Variants in KCNMA1 observed in about 807,000 individuals in gnomAD.
KCNMA1 encodes potassium calcium-activated channel subfamily M alpha 1.
A neutral mutation model predicts 140.0 loss-of-function variants in KCNMA1; 29 were observed. The ratio of observed to expected loss-of-function variants is 0.21; its 90% CI spans 0.15 to 0.28. The LOEUF is 0.28. Ranked by LOEUF, KCNMA1 falls within the 10% of genes least tolerant of loss-of-function variation. The probability of loss-of-function intolerance (pLI) is 1.00; values close to 1 mark genes in which losing one functional copy is unlikely to be tolerated. For missense variants in KCNMA1, 880 were observed against 1,602.2 expected, an observed-to-expected ratio of 0.55 and a Z score of 7.70; for synonymous variants, 612 against 611.9, an observed-to-expected ratio of 1.00 and a Z score of 0.00.
At chr10:77,403,592 C>T (rs2096358696) in intron 2 of KCNMA1, among the ~76,000 whole-genome samples, 1 of 152,150 alleles carries the variant, frequency 6.6e-6, no homozygotes, top group Non-Finnish European at 1.5e-5. Flanking sequence ...TGTGTGCGCG[C>T]ATGTGTGCTT....
At chr10:77,083,854 G>C (rs1023601627) in intron 12 of KCNMA1, among the ~76,000 whole-genome samples, 15 of 151,264 alleles carry the variant, frequency 9.9e-5, no homozygotes, top group Admixed American at 7.3e-4. Flanking sequence ...AAACGGGGGG[G>C]GGTTGGGGGA....
At chr10:76,975,538 A>T (rs2077218318) in intron 19 of KCNMA1, 1 of 152,238 alleles carries the variant, frequency 6.6e-6, no homozygotes. Flanking sequence ...CTGTTTCGGG[A>T]TGGATCCCGT....
intron 17 of KCNMA1, among the ~76,000 whole-genome samples, chr10:77,013,713 G>A (rs1161549213): frequency 1.3e-5 from 2 of 152,120 alleles, no homozygotes; most frequent in Non-Finnish European, 2.9e-5. Context: ...AAACATATTT[G>A]ATCCTCAAAC....
chr10:76,883,250 C>T (rs558893916), downstream of KCNMA1, among the ~76,000 whole-genome samples: 139 of 152,140 alleles, frequency 9.1e-4, 1 homozygote, highest in African/African-American at 3.3e-3. Context: ...TTAAAAAAAT[C>T]AAACCAAGAG....
Position 77,164,815 on chromosome 10 carries a change from C to T in KCNMA1, c.808+18606G>A, listed in dbSNP as rs558648008. Among the ~76,000 whole-genome samples the T allele has an allele frequency of 3.3e-5, 5 of 152,274 alleles. No homozygotes were observed. The South Asian group carries it at 1.0e-3, about 32-fold the overall frequency. ...GAGGTAACAGAAGCAACTGGTTGAACGTGTTTCCTCCTGGGAAATCCTAAA... is the reference window on the plus strand; with the variant it reads ...GAGGTAACAGAAGCAACTGGTTGAATGTGTTTCCTCCTGGGAAATCCTAAA... On this transcript the variant is annotated intron_variant, in intron 5 of 27. Transcript: ENST00000286628.
chr10:77,270,836 CCTCT>C (rs1056215149), intron 2 of KCNMA1, among the ~76,000 whole-genome samples: 1 of 152,018 alleles, frequency 6.6e-6, no homozygotes, highest in African/African-American at 2.4e-5. Flanking sequence ...ATCCCAGCTC[CCTCT>C]AATAGAAATA....
chr10:77,397,360 T>C (rs559180953), intron 2 of KCNMA1, among the ~76,000 whole-genome samples: 3 of 152,334 alleles, frequency 2.0e-5, no homozygotes, highest in African/African-American at 7.2e-5. Flanking sequence ...TTTTAAAACG[T>C]TGTATTGACA....
At chr10:77,130,126 A>T (rs2097827547) in intron 5 of KCNMA1, among the ~76,000 whole-genome samples, 1 of 152,180 alleles carries the variant, frequency 6.6e-6, no homozygotes, top group Non-Finnish European at 1.5e-5. Flanking sequence ...CACAAAAATA[A>T]AGTAGAAATG....
At chr10:76,936,867 CAA>C (rs2060699265) in intron 23 of KCNMA1, among the ~76,000 whole-genome samples, 1 of 152,282 alleles carries the variant, frequency 6.6e-6, no homozygotes, top group East Asian at 1.9e-4. Flanking sequence ...TCTTTGAACA[CAA>C]AGACAGTGCC....
chr10:77,166,133 T>C (rs1013643366), intron 5 of KCNMA1, among the ~76,000 whole-genome samples: 2 of 152,080 alleles, frequency 1.3e-5, no homozygotes, highest in African/African-American at 4.8e-5. Flanking sequence ...AAACCAGAAG[T>C]ACTTGTACTA....
At chr10:77,158,601 G>C (rs141895435) in intron 5 of KCNMA1, among the ~76,000 whole-genome samples, 135 of 152,096 alleles carry the variant, frequency 8.9e-4, no homozygotes, top group Non-Finnish European at 1.5e-3. Context: ...CCATAACTGG[G>C]GTCAAAGCCA....
chr10:77,635,227 G>C (rs543354614), intron 1 of KCNMA1: 2 of 152,262 alleles, frequency 1.3e-5, no homozygotes, highest in South Asian at 4.1e-4. Flanking sequence ...TTGTGTGTGC[G>C]ATGGGATTAG....
chr10:77,321,832 G>C (rs2082418951), intron 2 of KCNMA1, among the ~76,000 whole-genome samples: 1 of 152,110 alleles, frequency 6.6e-6, no homozygotes, highest in South Asian at 2.1e-4. Context: ...GAAAGTTCTA[G>C]TTCCATTCAG....
At chr10:77,545,969 C>T (rs771307334) in intron 1 of KCNMA1, among the ~76,000 whole-genome samples, 1 of 152,098 alleles carries the variant, frequency 6.6e-6, no homozygotes, top group Non-Finnish European at 1.5e-5. Context: ...CCCTGGGGCA[C>T]AGGCACGGCT....
At chr10:77,307,723 A>AT (rs2078166506) in intron 2 of KCNMA1, among the ~76,000 whole-genome samples, 2 of 151,740 alleles carry the variant, frequency 1.3e-5, no homozygotes, top group African/African-American at 2.4e-5. Flanking sequence ...ATTTTTTTGT[A>AT]TTTTTTTAGT....
At chr10:76,870,642 A>G (rs2031100196) in exon 28 of KCNMA1, 2 of 152,356 alleles carry the variant, frequency 1.3e-5, no homozygotes, top group African/African-American at 2.4e-5. Context: ...AGGGAAGAAG[A>G]ACAGTGCAGT....
intron 2 of KCNMA1, among the ~76,000 whole-genome samples, chr10:77,379,453 G>A (rs1377321383): frequency 6.6e-6 from 1 of 151,436 alleles, no homozygotes; most frequent in African/African-American, 2.4e-5. Flanking sequence ...GAAAAGTACA[G>A]AAAGGAAAAC....
intron 3 of KCNMA1, among the ~76,000 whole-genome samples, chr10:77,230,616 C>G (rs1221872288): frequency 1.3e-5 from 2 of 152,122 alleles, no homozygotes; most frequent in Non-Finnish European, 2.9e-5. Flanking sequence ...AGAAGTCAAC[C>G]CTCTGTCAAT....
At chr10:77,200,865 A>G (rs552783680) in intron 3 of KCNMA1, among the ~76,000 whole-genome samples, 1 of 152,348 alleles carries the variant, frequency 6.6e-6, no homozygotes, top group East Asian at 1.9e-4. Flanking sequence ...GAAAAATTAC[A>G]GTGAACACTT....
Sources: allele counts gnomAD v4.1 joint callset (sites outside exome capture counted in the v4.1 genomes callset), GRCh38; gene constraint gnomAD v4.1.1; transcripts MANE v1.5; gene names NCBI Gene and HGNC (gene_info 2026-07-23, HGNC 2026-07-21).